Variants in POLA1 observed in about 807,000 individuals in gnomAD.
POLA1 encodes the protein DNA polymerase alpha 1, catalytic subunit.
In POLA1, 15 loss-of-function variants were observed where a neutral mutation model predicts 124.0. The ratio of observed to expected loss-of-function variants is 0.12; its 90% CI spans 0.08 to 0.19. The LOEUF is 0.19. POLA1 is among the 10% of genes least tolerant of loss of function. POLA1 has a pLI of 1.00. For synonymous variants in POLA1, 408 were observed against 389.4 expected (o/e 1.05, Z -0.56); for missense variants, 886 against 1,103.4 (o/e 0.80, Z 2.79).
At chrX:24,883,139 T>C (rs1035109489) in intron 34 of POLA1, among the ~76,000 whole-genome samples, 2 of 112,376 alleles carry the variant, frequency 1.8e-5, no homozygotes, top group African/African-American at 3.2e-5. Flanking sequence ...TGGCTGCTTA[T>C]ATGTCTTTTG....
At chrX:24,860,938 C>G (rs1034803158) in intron 34 of POLA1, among the ~76,000 whole-genome samples, 1 of 111,706 alleles carries the variant, frequency 9.0e-6, no homozygotes, top group African/African-American at 3.2e-5. Context: ...ACCCTGTCCC[C>G]ACCACCACTC....
At chrX:24,763,616 G>T (rs1265070036) in intron 26 of POLA1, among the ~76,000 whole-genome samples, 2 of 111,088 alleles carry the variant, frequency 1.8e-5, no homozygotes, top group Non-Finnish European at 3.8e-5. Flanking sequence ...GGTAGAGGAG[G>T]ACAGGCTTTA....
chrX:24,811,304 C>T (rs1480464509), intron 28 of POLA1, among the ~76,000 whole-genome samples: 2 of 103,702 alleles, frequency 1.9e-5, no homozygotes, highest in African/African-American at 3.6e-5. Context: ...CACATAGTCT[C>T]GCTGTGTGGC....
intron 26 of POLA1, among the ~76,000 whole-genome samples, chrX:24,807,187 T>A (rs1386690530): frequency 2.7e-5 from 3 of 112,165 alleles, no homozygotes; most frequent in Non-Finnish European, 5.6e-5. Flanking sequence ...ACATAGTAGA[T>A]TTGGTTCATG....
chrX:24,994,788 C>G (rs936885487), intron 36 of POLA1, among the ~76,000 whole-genome samples: 1 of 111,412 alleles, frequency 9.0e-6, no homozygotes, highest in Non-Finnish European at 1.9e-5. Context: ...AAAGCAGCCT[C>G]TCCAGACACC....
chrX:24,968,056 A>G (rs2048246072), intron 36 of POLA1, among the ~76,000 whole-genome samples: 1 of 112,070 alleles, frequency 8.9e-6, no homozygotes, highest in African/African-American at 3.2e-5. Flanking sequence ...TAGACTTAGC[A>G]CTAGTAATCT....
chrX:24,937,355 A>G (rs1366113857), intron 36 of POLA1, among the ~76,000 whole-genome samples: 1 of 111,564 alleles, frequency 9.0e-6, no homozygotes, highest in Non-Finnish European at 1.9e-5. Flanking sequence ...AGTAAGGAAC[A>G]CTAGAATTTG....
At chrX:24,944,125 G>C (rs1458772434) in intron 36 of POLA1, among the ~76,000 whole-genome samples, 1 of 111,847 alleles carries the variant, frequency 8.9e-6, no homozygotes, top group Non-Finnish European at 1.9e-5. Flanking sequence ...ATAGTGCATG[G>C]TGCGCCAGGT....
At chrX:24,760,367 C>T (rs1932774763) in intron 26 of POLA1, among the ~76,000 whole-genome samples, 1 of 111,906 alleles carries the variant, frequency 8.9e-6, no homozygotes, top group South Asian at 3.8e-4. Flanking sequence ...CACTCAGCAA[C>T]ATTGCAAATT....
In POLA1 at chrX:24,793,931, G is replaced by A. The variant is rs11573403; in HGVS notation, c.2965-15967G>A. On this transcript the variant is annotated intron_variant, in intron 26 of 36. Coordinates refer to ENST00000379068, the MANE Select transcript of POLA1 (RefSeq NM_001330360.2). ...GGTGGATGGACCCCGCCATCCCCTC[G>A]GAAGAGACCTGTTGCCCTTCCTAAT... is the stretch of plus-strand genomic sequence containing the variant. 3.6e-5 allele frequency among the ~76,000 whole-genome samples: 4 copies of A among 110,308 alleles called. No individual in the cohort carries two copies. In the South Asian group the frequency reaches 1.2e-3, roughly 33 times the overall value.
At chrX:24,709,121 C>T (rs1329708390) in intron 4 of POLA1, among the ~76,000 whole-genome samples, 3 of 76,889 alleles carry the variant, frequency 3.9e-5, no homozygotes, top group Non-Finnish European at 8.0e-5. Context: ...AGGGGCTCCT[C>T]ACTTCCCAGT....
At chrX:24,982,933 A>T (rs1210282101) in intron 36 of POLA1, among the ~76,000 whole-genome samples, 1 of 111,950 alleles carries the variant, frequency 8.9e-6, no homozygotes, top group Non-Finnish European at 1.9e-5. Flanking sequence ...ATTTCCTCCA[A>T]ATTTATTTAC....
At chrX:24,944,172 C>T (rs142976203) in intron 36 of POLA1, among the ~76,000 whole-genome samples, 1 of 112,071 alleles carries the variant, frequency 8.9e-6, no homozygotes, top group African/African-American at 3.2e-5. Flanking sequence ...TACAGCTCAA[C>T]AAATAAGCGG....
At chrX:24,947,818 T>G (rs753816751) in intron 36 of POLA1, among the ~76,000 whole-genome samples, 23 of 112,140 alleles carry the variant, frequency 2.1e-4, no homozygotes, top group Admixed American at 1.8e-3. Context: ...ACAATACTAC[T>G]AATAGGCTGG....
At chrX:24,710,162 T>G (rs1486324753) in intron 4 of POLA1, among the ~76,000 whole-genome samples, 4 of 110,154 alleles carry the variant, frequency 3.6e-5, no homozygotes, top group Non-Finnish European at 7.6e-5. Context: ...AACATAAAAT[T>G]TACCACGAGT....
chrX:24,957,876 T>C (rs1307926037), intron 36 of POLA1, among the ~76,000 whole-genome samples: 2 of 109,732 alleles, frequency 1.8e-5, no homozygotes, highest in Non-Finnish European at 3.8e-5. Context: ...AGGAAAGTAG[T>C]TGGAAGATTT....
At chrX:24,763,683 T>G (rs1055326574) in intron 26 of POLA1, among the ~76,000 whole-genome samples, 1 of 110,957 alleles carries the variant, frequency 9.0e-6, no homozygotes, top group Non-Finnish European at 1.9e-5. Flanking sequence ...AAACATGGTG[T>G]TGTGAAACCA....
At chrX:24,737,879 A>G in intron 19 of POLA1, 138 bp downstream of exon 19, 1 of 382,911 alleles carries the variant, frequency 2.6e-6, no homozygotes, top group Non-Finnish European at 4.6e-6. Flanking sequence ...TTGGCACTAA[A>G]CATCTTTTCC....
At chrX:24,737,285 C>T (rs904460815) in intron 18 of POLA1, among the ~76,000 whole-genome samples, 3 of 111,305 alleles carry the variant, frequency 2.7e-5, no homozygotes, top group South Asian at 3.8e-4. Context: ...TAGCTTTTAC[C>T]GATCATATGA....
Sources: allele counts gnomAD v4.1 joint callset (sites outside exome capture counted in the v4.1 genomes callset), GRCh38; gene constraint gnomAD v4.1.1; transcripts MANE v1.5; gene names NCBI Gene and HGNC (gene_info 2026-07-23, HGNC 2026-07-21).